Variants in ALKBH1 observed in about 807,000 individuals in gnomAD.
The protein encoded by ALKBH1 is alkB homolog 1, histone H2A dioxygenase, also known as nucleic acid dioxygenase ALKBH1.
ALKBH1 carries 31 observed loss-of-function variants against 36.6 expected under a neutral mutation model. The observed-to-expected ratio is 0.85, with a 90% CI of 0.64 to 1.14. The LOEUF (loss-of-function observed/expected upper bound fraction) is 1.14, where lower values mean the gene tolerates loss of function less well. Among genes scored for constraint, ALKBH1 ranks in the 50% most tolerant of loss-of-function variants. The pLI is 0.00. For synonymous variants in ALKBH1, 183 were observed against 186.6 expected, an observed-to-expected ratio of 0.98 and a Z score of 0.16; for missense variants, 490 against 497.3, an observed-to-expected ratio of 0.99 and a Z score of 0.14.
intron 3 of ALKBH1, among the ~76,000 whole-genome samples, chr14:77,686,783 C>T (rs187209071): frequency 1.3e-5 from 2 of 152,224 alleles, no homozygotes; most frequent in East Asian, 3.9e-4. Context: ...GCCGCCATGC[C>T]CAGTTAATTT....
intron 3 of ALKBH1, among the ~76,000 whole-genome samples, chr14:77,693,569 G>C (rs2080310208): frequency 6.6e-6 from 1 of 152,282 alleles, no homozygotes; most frequent in Admixed American, 6.5e-5. Context: ...CTTAAATATT[G>C]TATCTTTGCT....
intron 3 of ALKBH1, among the ~76,000 whole-genome samples, chr14:77,687,253 C>T (rs530876796): frequency 1.3e-5 from 2 of 152,310 alleles, no homozygotes; most frequent in East Asian, 3.9e-4. Flanking sequence ...AGAAGTGGTC[C>T]TACTTCTTTC....
chr14:77,695,452 A>G (rs866494115), intron 2 of ALKBH1, among the ~76,000 whole-genome samples: 34 of 152,192 alleles, frequency 2.2e-4, no homozygotes, highest in African/African-American at 8.2e-4. Context: ...ACCTGTGCCT[A>G]TAAGGGTCAC....
intron 2 of ALKBH1, among the ~76,000 whole-genome samples, chr14:77,698,053 T>C (rs1232523066): frequency 6.6e-6 from 1 of 152,122 alleles, no homozygotes; most frequent in Admixed American, 6.5e-5. Flanking sequence ...TAAAAAACCT[T>C]GTCTGGAGAG....
At chr14:77,675,925 A>C in intron 4 of ALKBH1, 76 bp from the exon 5 acceptor site, 4 of 1,174,308 alleles carry the variant, frequency 3.4e-6, no homozygotes, top group Non-Finnish European at 4.9e-6. Flanking sequence ...ATTAATTACC[A>C]CTTTAAAATA....
intron 4 of ALKBH1, among the ~76,000 whole-genome samples, chr14:77,676,669 A>C (rs2080207896): frequency 6.6e-6 from 1 of 152,268 alleles, no homozygotes; most frequent in Non-Finnish European, 1.5e-5. Flanking sequence ...CAAAGGTACC[A>C]TACTAAGGTA....
In ALKBH1 at chr14:77,704,458, T is replaced by G. The variant is rs1177549299; in HGVS notation, c.203A>C (p.Asn68Thr). The G allele has an allele frequency of 6.2e-6, 10 of 1,613,974 alleles. No homozygotes were observed. Among genetic ancestry groups the G allele is most frequent in the Middle Eastern group, 1.6e-4 (1 of 6,062 alleles). The change falls in exon 2 of 6, where the codon AAT becomes ACT. Residue 68 changes from asparagine (N) to threonine (T), a missense_variant. Coordinates refer to ENST00000216489, the MANE Select transcript of ALKBH1 (RefSeq NM_006020.3). ...ATTCTGCTCACTGACAGAAGACACA[T>G]TTAGCTGAGATTTGATCACCTGGCA... ...GAQKVIKSQL[N>T]VSSVSEQNAY... is the part of the protein sequence containing the mutation.
chr14:77,692,962 T>C (rs1027918033), intron 3 of ALKBH1, among the ~76,000 whole-genome samples: 6 of 151,716 alleles, frequency 4.0e-5, no homozygotes, highest in Admixed American at 6.6e-5. Flanking sequence ...TCCCAGCACT[T>C]TGGGAGGCCG....
intron 3 of ALKBH1, among the ~76,000 whole-genome samples, chr14:77,681,172 G>A (rs2080235864): frequency 6.6e-6 from 1 of 152,232 alleles, no homozygotes; most frequent in African/African-American, 2.4e-5. Flanking sequence ...GATTGTGACA[G>A]GAAATGGCAA....
At chr14:77,693,796 G>A (rs1250051416) in intron 3 of ALKBH1, among the ~76,000 whole-genome samples, 1 of 152,112 alleles carries the variant, frequency 6.6e-6, no homozygotes, top group African/African-American at 2.4e-5. Context: ...AGACCAGCCT[G>A]GCCAACATGG....
intron 4 of ALKBH1, among the ~76,000 whole-genome samples, chr14:77,677,583 C>T (rs985609669): frequency 6.6e-6 from 1 of 152,190 alleles, no homozygotes; most frequent in Non-Finnish European, 1.5e-5. Context: ...TGAATATATT[C>T]TAGCTGAAGC....
intron 1 of ALKBH1, among the ~76,000 whole-genome samples, chr14:77,705,239 C>T (rs981719142): frequency 6.6e-6 from 1 of 151,908 alleles, no homozygotes; most frequent in African/African-American, 2.4e-5. Context: ...ATGGTGAAAC[C>T]CCGTCTCTAC....
rs925124889 is a variant in ALKBH1 at position 77,702,953 on chromosome 14, G to A, written c.292+1416C>T. Among the ~76,000 whole-genome samples the A allele has an allele frequency of 2.2e-4, 34 of 152,150 alleles. No individual in the cohort carries two copies. In the South Asian group the frequency reaches 4.1e-3, roughly 19 times the overall value. The stretch of plus-strand genomic sequence containing the variant: ...GTGGATCACTTGATGTCAGGAGTTC[G>A]AAACCAGCTTGGCCAACATGAAACC... On this transcript the variant is annotated intron_variant, in intron 2 of 5. Coordinates refer to ENST00000216489, the MANE Select transcript of ALKBH1 (RefSeq NM_006020.3).
At chr14:77,684,475 C>T (rs894065788) in intron 3 of ALKBH1, among the ~76,000 whole-genome samples, 3 of 152,158 alleles carry the variant, frequency 2.0e-5, no homozygotes, top group Non-Finnish European at 4.4e-5. Context: ...GATTCTCCTG[C>T]CTCAGCCTCC....
chr14:77,688,280 T>C (rs2080279214), intron 3 of ALKBH1, among the ~76,000 whole-genome samples: 1 of 151,126 alleles, frequency 6.6e-6, no homozygotes, highest in Non-Finnish European at 1.5e-5. Context: ...TCTCAATTGC[T>C]CTGCTTTTGC....
At chr14:77,694,619 T>G in intron 3 of ALKBH1, 119 bp downstream of exon 3, 1 of 740,258 alleles carries the variant, frequency 1.4e-6, no homozygotes. Flanking sequence ...TTGGAAACAA[T>G]GAAGGGAAAA....
chr14:77,683,477 G>A (rs533620798), intron 3 of ALKBH1: 4 of 720,686 alleles, frequency 5.6e-6, no homozygotes, highest in South Asian at 5.5e-5. Flanking sequence ...GCATGCTGGG[G>A]AACACTGTAG....
At chr14:77,705,411 G>GAAAAAAAAAAAAAAAAAAAAAA (rs56123313) in intron 1 of ALKBH1, among the ~76,000 whole-genome samples, 1 of 113,394 alleles carries the variant, frequency 8.8e-6, no homozygotes, top group African/African-American at 3.4e-5. Flanking sequence ...CTCCGTCTAA[G>GAAAAAAAAAAAAAAAAAAAAAA]AAAAAAAAAA....
chr14:77,695,214 C>G (rs964357501), intron 2 of ALKBH1, among the ~76,000 whole-genome samples: 1 of 152,084 alleles, frequency 6.6e-6, no homozygotes, highest in Non-Finnish European at 1.5e-5. Context: ...TAGAGTCATC[C>G]GAGACTTCTT....
Sources: allele counts gnomAD v4.1 joint callset (sites outside exome capture counted in the v4.1 genomes callset), GRCh38; gene constraint gnomAD v4.1.1; transcripts MANE v1.5; gene names NCBI Gene and HGNC (gene_info 2026-07-23, HGNC 2026-07-21).